The following TLN2 variants were observed in gnomAD, a reference collection of about 807,000 sequenced individuals.
TLN2 encodes talin 2.
In TLN2, 118 loss-of-function variants were observed where a neutral mutation model predicts 294.7. The ratio of observed to expected loss-of-function variants is 0.40; its 90% confidence interval spans 0.34 to 0.47. The LOEUF (loss-of-function observed/expected upper bound fraction) is 0.47, where lower values mean the gene tolerates loss of function less well. TLN2 is among the 20% of genes least tolerant of loss of function. TLN2 has a pLI of 0.84. For synonymous variants in TLN2, 1,431 were observed against 1,304.5 expected, an observed-to-expected ratio of 1.10 and a Z score of -2.09; for missense variants, 3,083 against 3,282.2, an observed-to-expected ratio of 0.94 and a Z score of 1.48.
At chr15:62,686,590 G>A (rs1326127986) in intron 11 of TLN2, 51 bp from the exon 12 acceptor site, 17 of 1,567,250 alleles carry the variant, frequency 1.1e-5, no homozygotes, top group Non-Finnish European at 1.4e-5. Context: ...CCCTGGCAAA[G>A]TCAGATGTAT....
chr15:62,593,759 C>T (rs189548206), intron 2 of TLN2, among the ~76,000 whole-genome samples: 362 of 152,222 alleles, frequency 2.4e-3, no homozygotes, highest in South Asian at 4.6e-3. Context: ...GACAGCTTTC[C>T]AAATCCATAA....
At chr15:62,674,309 G>T (rs115324530) in intron 10 of TLN2, among the ~76,000 whole-genome samples, 2,238 of 152,158 alleles carry the variant, frequency 0.015, 21 homozygotes, top group Non-Finnish European at 0.022. Flanking sequence ...TCCAGTCTAC[G>T]CAACCAGTAA....
chr15:62,606,723 C>G (rs78658518), intron 2 of TLN2, among the ~76,000 whole-genome samples: 10 of 152,228 alleles, frequency 6.6e-5, no homozygotes, highest in African/African-American at 2.2e-4. Flanking sequence ...AATAGAAGGC[C>G]ATTGATTTTG....
intron 33 of TLN2, among the ~76,000 whole-genome samples, chr15:62,749,322 T>A (rs1477862392): frequency 6.6e-6 from 1 of 152,240 alleles, no homozygotes; most frequent in East Asian, 1.9e-4. Context: ...CAGTTGAGAA[T>A]GTTTCTTACA....
chr15:62,495,259 A>G (rs545786916), intron 1 of TLN2, among the ~76,000 whole-genome samples: 49 of 152,304 alleles, frequency 3.2e-4, no homozygotes, highest in African/African-American at 1.2e-3. Flanking sequence ...GATGAACGCG[A>G]TACATGTGGT....
At chr15:62,726,304 C>T (rs1164820897) in intron 27 of TLN2, among the ~76,000 whole-genome samples, 1 of 152,150 alleles carries the variant, frequency 6.6e-6, no homozygotes, top group African/African-American at 2.4e-5. Context: ...AAAGCATTGC[C>T]TCTCTTGGAA....
intron 1 of TLN2, among the ~76,000 whole-genome samples, chr15:62,549,415 G>A (rs773840718): frequency 2.6e-5 from 4 of 152,096 alleles, no homozygotes; most frequent in African/African-American, 7.2e-5. Flanking sequence ...GATTACAGGT[G>A]TGAGCCACCG....
chr15:62,609,815 T>C (rs1322480875), intron 2 of TLN2, among the ~76,000 whole-genome samples: 2 of 152,206 alleles, frequency 1.3e-5, no homozygotes, highest in East Asian at 3.8e-4. Flanking sequence ...AGCTATCCCA[T>C]CCCTCGTGAA....
At chr15:62,590,067 TCA>T (rs1236379375) in intron 2 of TLN2, among the ~76,000 whole-genome samples, 8 of 152,164 alleles carry the variant, frequency 5.3e-5, no homozygotes, top group African/African-American at 1.9e-4. Context: ...TCTCATTCAC[TCA>T]CACTGGTTTG....
At chr15:62,589,126 G>C (rs2045889789) in intron 1 of TLN2, among the ~76,000 whole-genome samples, 1 of 151,950 alleles carries the variant, frequency 6.6e-6, no homozygotes, top group Non-Finnish European at 1.5e-5. Flanking sequence ...CTTTACTGTG[G>C]CTAGGCCATT....
chr15:62,485,175 C>CCAAGG (rs2038322444), intron 1 of TLN2, among the ~76,000 whole-genome samples: 1 of 152,204 alleles, frequency 6.6e-6, no homozygotes, highest in African/African-American at 2.4e-5. Context: ...CTACCTTGGG[C>CCAAGG]ACCTAGATTG....
chr15:62,519,332 A>C (rs954399401), intron 1 of TLN2, among the ~76,000 whole-genome samples: 2 of 152,194 alleles, frequency 1.3e-5, no homozygotes, highest in Admixed American at 6.5e-5. Context: ...ATAAATATTA[A>C]TGACAGCCCA....
chr15:62,647,806 C>T (rs2052069361), intron 4 of TLN2, among the ~76,000 whole-genome samples: 1 of 152,134 alleles, frequency 6.6e-6, no homozygotes, highest in African/African-American at 2.4e-5. Flanking sequence ...GTTTCCCATG[C>T]ATGAACGCTT....
chr15:62,644,730 G>C, intron 3 of TLN2: 1 of 379,176 alleles, frequency 2.6e-6, no homozygotes, highest in Non-Finnish European at 5.1e-6. Flanking sequence ...TTGCTCCTCT[G>C]TGTGTCTTCT....
At chr15:62,586,956 A>G (rs536825504) in intron 1 of TLN2, among the ~76,000 whole-genome samples, 3 of 152,338 alleles carry the variant, frequency 2.0e-5, no homozygotes, top group East Asian at 3.9e-4. Flanking sequence ...GTGTTTTCAA[A>G]TGGTATGGGA....
chr15:62,431,480 T>A (rs1398297375), intron 1 of TLN2, among the ~76,000 whole-genome samples: 1 of 152,206 alleles, frequency 6.6e-6, no homozygotes, highest in Non-Finnish European at 1.5e-5. Flanking sequence ...ACATATGTCA[T>A]ATCCCGAAGT....
intron 13 of TLN2, among the ~76,000 whole-genome samples, chr15:62,693,484 C>T (rs1176618889): frequency 6.6e-6 from 1 of 152,194 alleles, no homozygotes; most frequent in African/African-American, 2.4e-5. Flanking sequence ...TAGCATGTCA[C>T]TTAGCTAATG....
At chr15:62,563,013 G>C (rs1410554144) in intron 1 of TLN2, among the ~76,000 whole-genome samples, 1 of 150,144 alleles carries the variant, frequency 6.7e-6, no homozygotes, top group Non-Finnish European at 1.5e-5. Context: ...CATTTGGGCT[G>C]GTTCCATGTT....
intron 43 of TLN2, among the ~76,000 whole-genome samples, chr15:62,777,537 A>AG (rs2063807352): frequency 1.3e-5 from 2 of 151,670 alleles, no homozygotes; most frequent in African/African-American, 4.8e-5. Context: ...TCTCAAAAAA[A>AG]AAAAAAAAGT....
Sources: allele counts gnomAD v4.1 joint callset (sites outside exome capture counted in the v4.1 genomes callset), GRCh38; gene constraint gnomAD v4.1.1; transcripts MANE v1.5; gene names NCBI Gene and HGNC (gene_info 2026-07-23, HGNC 2026-07-21).